The following GGT7 variants were observed in gnomAD, a reference collection of about 807,000 sequenced individuals.
GGT7 encodes the protein gamma-glutamyltransferase 7.
A neutral mutation model predicts 69.2 loss-of-function variants in GGT7; 30 were observed. The observed-to-expected ratio is 0.43, with a 90% CI of 0.32 to 0.59. The LOEUF (loss-of-function observed/expected upper bound fraction) is 0.59. Among genes scored for constraint, GGT7 ranks in the 20% least tolerant of loss-of-function variants. The probability of loss-of-function intolerance (pLI) is 0.05; values close to 1 mark genes in which losing one functional copy is unlikely to be tolerated. For synonymous variants in GGT7, 388 were observed against 391.8 expected (o/e 0.99, Z 0.12); for missense variants, 733 against 901.1 (o/e 0.81, Z 2.39).
At chr20:34,854,138 T>A (rs1211452204) in intron 10 of GGT7, among the ~76,000 whole-genome samples, 1 of 152,194 alleles carries the variant, frequency 6.6e-6, no homozygotes, top group East Asian at 1.9e-4. Flanking sequence ...GGTTTCACTA[T>A]GTTGGTCAGG....
intron 7 of GGT7, among the ~76,000 whole-genome samples, 183 bp downstream of exon 7, chr20:34,859,260 G>T (rs1444423256): frequency 6.6e-6 from 1 of 151,090 alleles, no homozygotes; most frequent in Non-Finnish European, 1.5e-5. Context: ...ACCAACCACT[G>T]ATCTGATTTC....
chr20:34,850,011 G>T lies in GGT7; in HGVS notation c.1775C>A (p.Ala592Asp). The T allele has an allele frequency of 6.2e-7, 1 of 1,613,922 alleles. No individual in the cohort carries two copies. Among genetic ancestry groups the T allele is most frequent in the Non-Finnish European group, 8.5e-7 (1 of 1,179,864 alleles). ...TLNRNLSDSL[A>D]RGRLHPDLQS... ...CAGGTCCGGGTGTAGGCGGCCGCGG[G>T]CCAGGCTGTCACTCAGGTTCCGGTT... The change falls in exon 14 of 15, where the codon GCC becomes GAC. Residue 592 changes from alanine to aspartate, a missense_variant. Ala to Asp is a moderately radical substitution (Grantham distance 126). Coordinates refer to ENST00000336431, the MANE Select transcript of GGT7 (RefSeq NM_178026.3).
At chr20:34,855,993 A>T (rs1156593932) in intron 8 of GGT7, among the ~76,000 whole-genome samples, 1 of 152,008 alleles carries the variant, frequency 6.6e-6, no homozygotes, top group Non-Finnish European at 1.5e-5. Context: ...GTGTCTCACT[A>T]TGTTGCCCAG....
chr20:34,869,507 G>C (rs867425003), intron 1 of GGT7, among the ~76,000 whole-genome samples: 2 of 152,328 alleles, frequency 1.3e-5, no homozygotes, highest in Non-Finnish European at 1.5e-5. Flanking sequence ...GGAGTGACAT[G>C]ACCAGAAGCG....
chr20:34,869,520 G>C (rs2079746856), intron 1 of GGT7, among the ~76,000 whole-genome samples: 1 of 152,156 alleles, frequency 6.6e-6, no homozygotes, highest in East Asian at 1.9e-4. Flanking sequence ...CAGAAGCGAT[G>C]GATGGATTGG....
In GGT7 at chr20:34,852,186, T is replaced by C. The variant is rs776096524; in HGVS notation, c.1556A>G (p.Asn519Ser). ...NSQMLDFSWP[N>S]RTANHSAPSL... ...GGGTGCAGAGTGGTTAGCTGTCCGG[T>C]TGGGCCAGGAGAAGTCCAGCATCTG... is the stretch of plus-strand genomic sequence containing the variant. The change falls in exon 12 of 15, where the codon AAC (asparagine) becomes AGC (serine). Residue 519 changes from asparagine to serine, a missense_variant. Physicochemically the swap from Asn to Ser is conservative, Grantham distance 46 (BLOSUM62 1). Coordinates refer to ENST00000336431, the MANE Select transcript of GGT7 (RefSeq NM_178026.3). 1 of 1,613,400 alleles carries C rather than the reference T, an allele frequency of 6.2e-7. No homozygotes were observed. Among genetic ancestry groups the C allele is most frequent in the Non-Finnish European group, 8.5e-7 (1 of 1,179,358 alleles).
chr20:34,849,888 G>A (rs779283400), intron 14 of GGT7, 73 bp downstream of exon 14: 3 of 846,826 alleles, frequency 3.5e-6, no homozygotes, highest in Non-Finnish European at 5.6e-6. Context: ...GTTGAGGCAT[G>A]GGCACCCTTG....
At chr20:34,850,152 T>A (rs2079365887) in intron 13 of GGT7, 92 bp from the exon 14 acceptor site, 1 of 879,752 alleles carries the variant, frequency 1.1e-6, no homozygotes, top group African/African-American at 1.6e-5. Flanking sequence ...GGCTCCTTAG[T>A]CTTGAGAATT....
intron 1 of GGT7, among the ~76,000 whole-genome samples, chr20:34,864,268 G>C (rs897916708): frequency 6.6e-6 from 1 of 152,126 alleles, no homozygotes; most frequent in African/African-American, 2.4e-5. Context: ...CTATAATGTA[G>C]AGCAAAGAGT....
chr20:34,863,016 C>T lies in GGT7; in HGVS notation c.406-51G>A. 2 of 1,549,912 alleles carry T rather than the reference C, an allele frequency of 1.3e-6. No individual in the cohort carries two copies. The highest frequency in any genetic ancestry group is 8.8e-7 in the Non-Finnish European group (1 of 1,138,954). On this transcript the variant is annotated intron_variant, in intron 2 of 14. Transcript: ENST00000336431. The surrounding 1 kb of genome is among the most constrained non-coding windows in gnomAD (Gnocchi z 4.4). Reference sequence around the variant, plus strand: ...GGGGCAGGAGGAGCTGTCCACCTCCCTAGGGCACCTCCACTAGCCCTAGAA... The same window carrying T: ...GGGGCAGGAGGAGCTGTCCACCTCCTTAGGGCACCTCCACTAGCCCTAGAA...
In GGT7 at chr20:34,872,643, T is replaced by C; in HGVS notation, c.169+4A>G. On this transcript the variant is annotated splice_donor_region_variant and intron_variant, in intron 1 of 14. Coordinates refer to ENST00000336431, the MANE Select transcript of GGT7 (RefSeq NM_178026.3). ...AGGGCAGGGACGGGGTCAGCGGGCC[T>C]CACCGGTGTCGGGGTCTCCCAGAAA... 1 of 1,460,248 alleles carries C rather than the reference T, an allele frequency of 6.8e-7. No individual in the cohort carries two copies. The highest frequency in any genetic ancestry group is 9.0e-7 in the Non-Finnish European group (1 of 1,108,066). The allele number at this position is 1,460,248 out of a possible 1,614,324, so 90.5% of individuals were successfully genotyped here. A position where few individuals can be genotyped will look rare whatever the true frequency, so the allele number is the denominator to read the frequency against.
chr20:34,859,533 G>A lies in GGT7; in HGVS notation c.924C>T (p.Pro308=), dbSNP rs375574357. 1.9e-5 allele frequency: 31 copies of A among 1,612,348 alleles called. No homozygotes were observed. Among genetic ancestry groups the A allele is most frequent in the Non-Finnish European group, 2.3e-5 (27 of 1,179,190 alleles). ...GTACATCCAGCACCTCAGCCAGGTC[G>A]GGCCGATGCAGCAACGAGCCAGGTA... The part of the protein sequence containing the change: ...PPLPGSLLHR[P]DLAEVLDVLG... The change falls in exon 7 of 15, where the codon CCC becomes CCT. Residue 308 remains proline, a synonymous_variant. Transcript: ENST00000336431.
At chr20:34,849,520 A>C (rs2079354989) in intron 14 of GGT7, among the ~76,000 whole-genome samples, 2 of 152,028 alleles carry the variant, frequency 1.3e-5, no homozygotes, top group Admixed American at 6.6e-5. Context: ...GTCTTCCTTG[A>C]TCATTGAGTC....
chr20:34,865,553 G>T (rs1428685371), intron 1 of GGT7, among the ~76,000 whole-genome samples: 1 of 152,244 alleles, frequency 6.6e-6, no homozygotes, highest in Non-Finnish European at 1.5e-5. Flanking sequence ...GACGATAAGA[G>T]TGGAGGTAGG....
At chr20:34,850,103 G>A (rs377626254) in intron 13 of GGT7, 43 bp from the exon 14 acceptor site, 7 of 1,325,072 alleles carry the variant, frequency 5.3e-6, no homozygotes, top group Non-Finnish European at 7.6e-6. Context: ...TGTCCCAGGG[G>A]TGATGGTCCA....
intron 14 of GGT7, among the ~76,000 whole-genome samples, chr20:34,847,829 C>G (rs538486924): frequency 3.9e-5 from 6 of 152,212 alleles, no homozygotes; most frequent in African/African-American, 1.4e-4. Flanking sequence ...TGGTGGCTCA[C>G]GCCTGTAAAT....
At chr20:34,848,023 G>T (rs2079326611) in intron 14 of GGT7, among the ~76,000 whole-genome samples, 1 of 152,214 alleles carries the variant, frequency 6.6e-6, no homozygotes, top group East Asian at 1.9e-4. Context: ...AACCCAGGAG[G>T]TGGAGGTTGA....
intron 1 of GGT7, among the ~76,000 whole-genome samples, chr20:34,871,445 A>G (rs1419552712): frequency 6.6e-6 from 1 of 152,068 alleles, no homozygotes; most frequent in Non-Finnish European, 1.5e-5. Flanking sequence ...TCTCCCTGCT[A>G]CCTCCTGATT....
At chr20:34,858,320 TA>T (rs751252550) in intron 7 of GGT7, among the ~76,000 whole-genome samples, 1 of 152,194 alleles carries the variant, frequency 6.6e-6, no homozygotes, top group Non-Finnish European at 1.5e-5. Context: ...GAGCAAATCC[TA>T]ACACAGTGGA....
Sources: gnomAD v4.1 joint callset for allele counts (sites outside exome capture counted in the v4.1 genomes callset) on GRCh38, gnomAD v4.1.1 for gene constraint, Gnocchi (gnomAD v3.1) non-coding constraint, MANE v1.5 for transcripts, NCBI Gene and HGNC (gene_info 2026-07-23, HGNC 2026-07-21) for gene names.